The following ZFHX3 variants were observed in gnomAD, a reference collection of about 807,000 sequenced individuals.
The protein encoded by ZFHX3 is zinc finger homeobox protein 3.
Under a neutral mutation model 279.1 loss-of-function variants are expected in ZFHX3, and 42 were observed. The observed-to-expected ratio is 0.15, with a 90% CI of 0.12 to 0.19. The LOEUF is 0.19. Ranked by LOEUF, ZFHX3 falls within the 10% of genes least tolerant of loss-of-function variation. The pLI is 1.00. For synonymous variants in ZFHX3, 2,293 were observed against 1,957.8 expected (o/e 1.17, Z -4.52); for missense variants, 4,981 against 4,754.0 (o/e 1.05, Z -1.40).
At chr16:73,177,901 T>C (rs1967701039) in intron 5 of ZFHX3, among the ~76,000 whole-genome samples, 1 of 152,064 alleles carries the variant, frequency 6.6e-6, no homozygotes, top group African/African-American at 2.4e-5. Context: ...GGAGGCGCGG[T>C]AGGGAAAGAG....
chr16:73,136,503 C>A (rs1016421129), intron 6 of ZFHX3, among the ~76,000 whole-genome samples: 1 of 152,000 alleles, frequency 6.6e-6, no homozygotes, highest in Non-Finnish European at 1.5e-5. Flanking sequence ...GCAGACAGAT[C>A]ACTTGAGGTC....
intron 1 of ZFHX3, among the ~76,000 whole-genome samples, chr16:73,811,291 G>A (rs773610668): frequency 1.7e-4 from 26 of 152,168 alleles, no homozygotes; most frequent in Middle Eastern, 3.4e-3. Context: ...ATCTACCTTC[G>A]GCAAAGCCCC....
rs139242215 is a variant in ZFHX3, at chr16:73,722,547, C to A, written c.-1607-42307G>T. On this transcript the variant is annotated intron_variant, in intron 1 of 17. Transcript: ENST00000641206. ...AGATAGTTCAAAATACAGTAGGCAG[C>A]GTACTCTATGAAATACACTGGCATG... 6.7e-4 allele frequency among the ~76,000 whole-genome samples: 102 copies of A among 152,254 alleles called. 1 individual carries two copies. The highest frequency in any genetic ancestry group is 1.4e-3 in the Admixed American group (21 of 15,294).
chr16:73,509,981 C>A (rs754603808), intron 2 of ZFHX3, among the ~76,000 whole-genome samples: 4 of 152,320 alleles, frequency 2.6e-5, no homozygotes, highest in Non-Finnish European at 4.4e-5. Flanking sequence ...CAGGCATGAG[C>A]CATCACGCCC....
chr16:72,969,125 T>C (rs1961985317), intron 1 of ZFHX3, among the ~76,000 whole-genome samples: 1 of 152,112 alleles, frequency 6.6e-6, no homozygotes, highest in South Asian at 2.1e-4. Flanking sequence ...AAATTCGACA[T>C]AGTAACCCCC....
chr16:73,341,010 C>T (rs945102125), intron 3 of ZFHX3, among the ~76,000 whole-genome samples: 8 of 152,066 alleles, frequency 5.3e-5, no homozygotes, highest in Admixed American at 3.9e-4. Context: ...TTTGTATCAC[C>T]GGCCAAAGGC....
At chr16:73,051,933 T>C (rs570361100), upstream of ZFHX3, among the ~76,000 whole-genome samples, 1 of 152,330 alleles carries the variant, frequency 6.6e-6, no homozygotes, top group South Asian at 2.1e-4. Flanking sequence ...AAATTGAGAA[T>C]TTTAATGAAA....
chr16:72,803,348 C>T (rs184816379), intron 7 of ZFHX3, among the ~76,000 whole-genome samples: 2 of 152,142 alleles, frequency 1.3e-5, no homozygotes, highest in East Asian at 3.9e-4. Flanking sequence ...ATCAATCAAT[C>T]AATCCATCCC....
chr16:73,844,516 T>C (rs1961394160), intron 1 of ZFHX3, among the ~76,000 whole-genome samples: 1 of 152,124 alleles, frequency 6.6e-6, no homozygotes, highest in South Asian at 2.1e-4. Context: ...CATCACTTAA[T>C]CCTTATAACA....
intron 2 of ZFHX3, among the ~76,000 whole-genome samples, chr16:73,638,690 G>C (rs772776555): frequency 6.6e-6 from 1 of 152,082 alleles, no homozygotes; most frequent in Non-Finnish European, 1.5e-5. Context: ...GTTTCTCTTT[G>C]ACTGATTGCT....
At chr16:73,048,583 G>T (rs578124580), upstream of ZFHX3, among the ~76,000 whole-genome samples, 1 of 152,358 alleles carries the variant, frequency 6.6e-6, no homozygotes, top group African/African-American at 2.4e-5. Context: ...AGAATCGGGC[G>T]AGAAGAAAGG....
At chr16:73,245,747 G>T (rs1766217942) in intron 5 of ZFHX3, among the ~76,000 whole-genome samples, 1 of 152,156 alleles carries the variant, frequency 6.6e-6, no homozygotes, top group South Asian at 2.1e-4. Context: ...CCCTAGTACT[G>T]ATCTAGGTGT....
chr16:73,586,505 C>T (rs1035470259), intron 2 of ZFHX3, among the ~76,000 whole-genome samples: 1 of 148,018 alleles, frequency 6.8e-6, no homozygotes, highest in Non-Finnish European at 1.5e-5. Context: ...CAACCTACTA[C>T]AGCTATACTA....
At chr16:72,885,491 C>G (rs1261581854) in intron 4 of ZFHX3, among the ~76,000 whole-genome samples, 1 of 152,236 alleles carries the variant, frequency 6.6e-6, no homozygotes, top group Non-Finnish European at 1.5e-5. Context: ...ACATGATGAA[C>G]TGGACCGACT....
chr16:73,161,556 C>T (rs1967237032), intron 5 of ZFHX3, among the ~76,000 whole-genome samples: 1 of 152,192 alleles, frequency 6.6e-6, no homozygotes, highest in South Asian at 2.1e-4. Context: ...TTTGGCACTG[C>T]ACTGGTTTCC....
intron 3 of ZFHX3, among the ~76,000 whole-genome samples, chr16:72,933,488 A>G (rs1597390263): frequency 6.6e-6 from 1 of 152,118 alleles, no homozygotes; most frequent in African/African-American, 2.4e-5. Flanking sequence ...TGAAAAAAAA[A>G]TCATACAGTA....
intron 4 of ZFHX3, among the ~76,000 whole-genome samples, chr16:72,887,982 T>C (rs1042576613): frequency 6.6e-6 from 1 of 151,956 alleles, no homozygotes; most frequent in African/African-American, 2.4e-5. Flanking sequence ...GGTGGGTTTG[T>C]GGAACAGCAC....
chr16:73,306,243 TA>T (rs1040893738), intron 4 of ZFHX3, among the ~76,000 whole-genome samples: 11 of 152,222 alleles, frequency 7.2e-5, no homozygotes, highest in Admixed American at 4.6e-4. Context: ...CTTCATATCT[TA>T]AAAAAATCAA....
intron 3 of ZFHX3, among the ~76,000 whole-genome samples, chr16:73,354,058 T>C (rs1004352858): frequency 5.3e-5 from 8 of 152,158 alleles, no homozygotes; most frequent in Admixed American, 2.0e-4. Flanking sequence ...GACCAAAATC[T>C]AACCAGAGTA....
Sources: allele counts gnomAD v4.1 joint callset (sites outside exome capture counted in the v4.1 genomes callset), GRCh38; gene constraint gnomAD v4.1.1; transcripts MANE v1.5; gene names NCBI Gene and HGNC (gene_info 2026-07-23, HGNC 2026-07-21).